Variants in ARHGEF33 observed in about 807,000 individuals in gnomAD.
ARHGEF33 encodes DH and coiled-coil domain-containing protein ENSP00000381780.
ARHGEF33 carries 72 observed loss-of-function variants against 101.9 expected under a neutral mutation model. The ratio of observed to expected loss-of-function variants is 0.71; its 90% CI spans 0.58 to 0.86. The LOEUF (loss-of-function observed/expected upper bound fraction) is 0.86. Among genes scored for constraint, ARHGEF33 ranks in the 40% least tolerant of loss-of-function variants. The probability of loss-of-function intolerance (pLI) is 0.00; values close to 1 mark genes in which losing one functional copy is unlikely to be tolerated. For missense variants in ARHGEF33, 1,169 were observed against 1,111.3 expected (o/e 1.05, Z -0.74); for synonymous variants, 499 against 442.5 (o/e 1.13, Z -1.60).
At chr2:38,906,884 G>A (rs190155208) in intron 2 of ARHGEF33, among the ~76,000 whole-genome samples, 1 of 152,052 alleles carries the variant, frequency 6.6e-6, no homozygotes, top group Non-Finnish European at 1.5e-5. Flanking sequence ...CTTGAGCCTG[G>A]GAGGTCAAGG....
intron 2 of ARHGEF33, among the ~76,000 whole-genome samples, chr2:38,918,005 T>C (rs893238355): frequency 6.6e-6 from 1 of 152,222 alleles, no homozygotes; most frequent in African/African-American, 2.4e-5. Context: ...ATATTTGTAT[T>C]GTTTCAATCA....
rs1309344110 is a variant in ARHGEF33 at position 38,919,384 on chromosome 2, C to T, written c.-64C>T. On this transcript the variant is annotated 5_prime_UTR_variant, in exon 3 of 18. Transcript: ENST00000409978. ...ACAGGTGCAGGGAAGAGGAGGTGGC[C>T]TGAGCCAGGACGATGAGGATGCAAT... 3 of 1,535,820 alleles carry T rather than the reference C, an allele frequency of 2.0e-6. No homozygotes were observed. The East Asian group carries it at 7.3e-5, about 38-fold the overall frequency.
At chr2:38,896,823 C>T (rs558885019) in intron 2 of ARHGEF33, among the ~76,000 whole-genome samples, 17 of 152,314 alleles carry the variant, frequency 1.1e-4, no homozygotes, top group Admixed American at 5.2e-4. Context: ...AGCCCATCAT[C>T]CTACCCCTAA....
intron 15 of ARHGEF33, 149 bp downstream of exon 15, chr2:38,958,347 T>A (rs1363460243): frequency 2.9e-6 from 3 of 1,025,818 alleles, no homozygotes; most frequent in African/African-American, 3.2e-5. Context: ...GATTCTTGGG[T>A]CCCAGAGGAA....
chr2:38,901,504 C>T (rs1392283365), intron 2 of ARHGEF33, among the ~76,000 whole-genome samples: 1 of 152,174 alleles, frequency 6.6e-6, no homozygotes, highest in African/African-American at 2.4e-5. Context: ...GTACTTCAGA[C>T]CTTGGAAGCT....
intron 12 of ARHGEF33, among the ~76,000 whole-genome samples, chr2:38,953,904 G>A (rs1667675644): frequency 6.6e-6 from 1 of 152,196 alleles, no homozygotes; most frequent in African/African-American, 2.4e-5. Context: ...GGAAAAGGAA[G>A]GGACACAGAG....
intron 17 of ARHGEF33, among the ~76,000 whole-genome samples, chr2:38,966,547 A>C (rs1259994087): frequency 6.6e-6 from 1 of 152,166 alleles, no homozygotes; most frequent in East Asian, 1.9e-4. Context: ...AAAGTTTTCT[A>C]AGGGATCTCA....
intron 10 of ARHGEF33, among the ~76,000 whole-genome samples, chr2:38,945,266 A>G (rs1183972055): frequency 6.6e-6 from 1 of 152,138 alleles, no homozygotes; most frequent in East Asian, 1.9e-4. Context: ...CCCCAAATCT[A>G]TTTGACTTGG....
rs1458703705 is a variant in ARHGEF33, at chr2:38,902,460, T to C, written c.-86+6611T>C. On this transcript the variant is annotated intron_variant, in intron 2 of 17. Coordinates refer to ENST00000409978, the MANE Select transcript of ARHGEF33 (RefSeq NM_001145451.5). ...TTATTTTTTCTGTCAAAACAGGAGC[T>C]TATGACTTAGCCAAGTCACTTATCC... Among the ~76,000 whole-genome samples, 8 of 152,330 alleles carry C rather than the reference T, an allele frequency of 5.3e-5. No homozygotes were observed. In the East Asian group the frequency reaches 1.5e-3, roughly 29 times the overall value.
intron 4 of ARHGEF33, among the ~76,000 whole-genome samples, chr2:38,923,494 T>C (rs1666805477): frequency 6.6e-6 from 1 of 152,172 alleles, no homozygotes; most frequent in Admixed American, 6.5e-5. Context: ...TCTGACATTA[T>C]CGTATGTATC....
intron 16 of ARHGEF33, among the ~76,000 whole-genome samples, chr2:38,965,418 A>G (rs763136381): frequency 1.3e-4 from 20 of 152,236 alleles, no homozygotes; most frequent in Non-Finnish European, 2.6e-4. Context: ...TGGGTTAAGA[A>G]TTGTAAAAAC....
At chr2:38,924,862 C>A (rs898239425) in intron 4 of ARHGEF33, among the ~76,000 whole-genome samples, 4 of 152,072 alleles carry the variant, frequency 2.6e-5, no homozygotes, top group African/African-American at 9.7e-5. Context: ...AGGAAATAAT[C>A]TGAAATATAT....
chr2:38,908,975 G>C (rs959209749), intron 2 of ARHGEF33, among the ~76,000 whole-genome samples: 1 of 152,206 alleles, frequency 6.6e-6, no homozygotes, highest in Admixed American at 6.5e-5. Flanking sequence ...TTCACTGGTA[G>C]TCTGCTGCAT....
At chr2:38,942,715 C>G (rs905614959) in intron 9 of ARHGEF33, among the ~76,000 whole-genome samples, 14 of 151,876 alleles carry the variant, frequency 9.2e-5, no homozygotes, top group African/African-American at 2.9e-4. Context: ...TCTTCAGGGT[C>G]CCCCCTCCTT....
intron 2 of ARHGEF33, among the ~76,000 whole-genome samples, chr2:38,907,947 C>T (rs909968819): frequency 2.6e-5 from 4 of 151,286 alleles, no homozygotes; most frequent in African/African-American, 9.7e-5. Flanking sequence ...CAGCCTTGAC[C>T]TCCTGGGCTC....
intron 16 of ARHGEF33, among the ~76,000 whole-genome samples, chr2:38,963,785 G>C (rs764466913): frequency 6.6e-6 from 1 of 152,014 alleles, no homozygotes; most frequent in Non-Finnish European, 1.5e-5. Flanking sequence ...GATCATTCGC[G>C]GTGATTGATA....
At chr2:38,921,348 T>C in intron 3 of ARHGEF33, 26 bp from the exon 4 acceptor site, 1 of 1,461,088 alleles carries the variant, frequency 6.8e-7, no homozygotes, top group Non-Finnish European at 9.4e-7. Flanking sequence ...GTAGTGTTGA[T>C]TAAACAAAGC....
Position 38,931,245 on chromosome 2 carries a change from G to A in ARHGEF33, c.499G>A (p.Glu167Lys). Residue 167 changes from glutamate to lysine, a missense_variant, in exon 7 of 18, where the codon GAG (glutamate) becomes AAG (lysine). Glu to Lys is a moderately conservative substitution (Grantham distance 56, BLOSUM62 1). Coordinates refer to ENST00000409978, the MANE Select transcript of ARHGEF33 (RefSeq NM_001145451.5). Reference protein sequence around the residue: ...FTNLLPSQAYEKAQESRSVHV... With the variant: ...FTNLLPSQAYKKAQESRSVHV... ...CAACCTTTTGCCTTCTCAGGCCTAC[G>A]AGAAAGGTACAGTTCACAAATCATA... The A allele has an allele frequency of 1.3e-6, 2 of 1,545,724 alleles. No individual in the cohort carries two copies. Among genetic ancestry groups the A allele is most frequent in the East Asian group, 4.9e-5 (2 of 40,870 alleles).
At chr2:38,917,879 A>G (rs1439149859) in intron 2 of ARHGEF33, among the ~76,000 whole-genome samples, 4 of 150,874 alleles carry the variant, frequency 2.7e-5, no homozygotes, top group Non-Finnish European at 5.9e-5. Context: ...TTATCCCTCC[A>G]CCTCCTGCTC....
Sources: allele counts gnomAD v4.1 joint callset (sites outside exome capture counted in the v4.1 genomes callset), GRCh38; gene constraint gnomAD v4.1.1; transcripts MANE v1.5; gene names NCBI Gene and HGNC (gene_info 2026-07-23, HGNC 2026-07-21).